STXBP5L: variants seen among roughly 807,000 people sequenced by gnomAD.
The protein encoded by STXBP5L is syntaxin binding protein 5L, also known as syntaxin-binding protein 5-like.
Under a neutral mutation model 144.5 loss-of-function variants are expected in STXBP5L, and 65 were observed. The observed-to-expected ratio is 0.45, with a 90% CI of 0.37 to 0.55. STXBP5L has a LOEUF of 0.55. STXBP5L is among the 20% of genes least tolerant of loss of function. The pLI, the probability that STXBP5L is intolerant of heterozygous loss-of-function variation, is 0.00. For missense variants in STXBP5L, 1,298 were observed against 1,405.5 expected, an observed-to-expected ratio of 0.92 and a Z score of 1.22; for synonymous variants, 505 against 469.6, an observed-to-expected ratio of 1.08 and a Z score of -0.97.
chr3:120,985,554 C>T (rs1343663599), intron 3 of STXBP5L, among the ~76,000 whole-genome samples: 1 of 151,876 alleles, frequency 6.6e-6, no homozygotes, highest in Non-Finnish European at 1.5e-5. Flanking sequence ...CATTTTTTCA[C>T]CAACATCAGA....
In STXBP5L at chr3:121,250,542, ATTGT is replaced by A. The variant is rs553013456; in HGVS notation, c.1401-178_1401-175del. ...TTTTCTAATCTTTAGATTTTAGTAT[ATTGT>A]TTAAGAAATGAGCCATTGTTTTAAG... On this transcript the variant is annotated intron_variant, in intron 14 of 26. Coordinates refer to ENST00000471454, the MANE Select transcript of STXBP5L (RefSeq NM_001308330.2). Among the ~76,000 whole-genome samples the A allele has an allele frequency of 3.7e-3, 569 of 152,156 alleles. 1 individual carries two copies. Among genetic ancestry groups the A allele is most frequent in the Non-Finnish European group, 6.7e-3 (452 of 67,920 alleles).
intron 9 of STXBP5L, among the ~76,000 whole-genome samples, chr3:121,204,424 A>G (rs1005437306): frequency 1.3e-5 from 2 of 152,166 alleles, no homozygotes; most frequent in African/African-American, 2.4e-5. Flanking sequence ...CATAGGGTAA[A>G]ATAAAGAAAA....
chr3:121,113,990 G>T (rs1428216297), intron 5 of STXBP5L, among the ~76,000 whole-genome samples: 1 of 152,002 alleles, frequency 6.6e-6, no homozygotes, highest in Non-Finnish European at 1.5e-5. Flanking sequence ...CTTATATAAA[G>T]AAGTACAAGA....
In STXBP5L at chr3:120,979,116, T is replaced by C. The variant is rs1310663878; in HGVS notation, c.287+24079T>C. Among the ~76,000 whole-genome samples, 8 of 152,246 alleles carry C rather than the reference T, an allele frequency of 5.3e-5. No homozygotes were observed. In the East Asian group the frequency reaches 1.5e-3, roughly 29 times the overall value. ...CATTTAAGTCTGCAGAGGTTACTGC[T>C]GTCTTTTTGTTTGTCTGTGCCTTGC... On this transcript the variant is annotated intron_variant, in intron 3 of 26. Coordinates refer to ENST00000471454, the MANE Select transcript of STXBP5L (RefSeq NM_001308330.2).
intron 3 of STXBP5L, among the ~76,000 whole-genome samples, chr3:121,006,990 C>T (rs10934538): frequency 0.099 from 15,092 of 152,062 alleles, 1,178 homozygotes; most frequent in Admixed American, 0.2. Context: ...ACATTTTTTC[C>T]TTCATTTCAA....
intron 3 of STXBP5L, among the ~76,000 whole-genome samples, chr3:120,991,501 A>G (rs1394588787): frequency 1.3e-5 from 2 of 152,236 alleles, no homozygotes; most frequent in African/African-American, 2.4e-5. Context: ...AAAGGATTAT[A>G]AATCATGCTA....
chr3:121,223,383 A>G (rs1490055054), intron 11 of STXBP5L, among the ~76,000 whole-genome samples: 4 of 152,144 alleles, frequency 2.6e-5, no homozygotes, highest in African/African-American at 9.7e-5. Flanking sequence ...TAAGTGCTTT[A>G]AACTTTGATT....
At chr3:121,003,669 G>A (rs901235293) in intron 3 of STXBP5L, among the ~76,000 whole-genome samples, 7 of 152,086 alleles carry the variant, frequency 4.6e-5, no homozygotes, top group Non-Finnish European at 8.8e-5. Context: ...TTTCTTCTAG[G>A]GTTTTTATGG....
chr3:121,378,881 C>G lies in STXBP5L; in HGVS notation c.2342C>G (p.Thr781Arg), dbSNP rs1405942574. The G allele has an allele frequency of 6.2e-7, 1 of 1,612,590 alleles. No individual in the cohort carries two copies. ...ACMEISLPVT[T>R]EENRENSYNR... ...ATGGAGATTTCTTTACCAGTTACAA[C>G]AGAAGGTATGTTAAACATATTAAAT... Residue 781 changes from threonine to arginine, a missense_variant, in exon 21 of 27, where the codon ACA (threonine) becomes AGA (arginine). Thr to Arg is a moderately conservative substitution (Grantham distance 71, BLOSUM62 -1). Transcript: ENST00000471454.
intron 23 of STXBP5L, among the ~76,000 whole-genome samples, chr3:121,411,339 G>T (rs539360598): frequency 1.4e-4 from 21 of 152,118 alleles, no homozygotes; most frequent in Non-Finnish European, 2.6e-4. Flanking sequence ...TTTGATAAAG[G>T]AAATCAGTAT....
At chr3:121,008,872 A>G (rs891579629) in intron 3 of STXBP5L, among the ~76,000 whole-genome samples, 1 of 152,086 alleles carries the variant, frequency 6.6e-6, no homozygotes, top group Non-Finnish European at 1.5e-5. Context: ...AGCAATTGTA[A>G]TAAATAAAAT....
At chr3:121,358,845 T>C (rs537647164) in intron 20 of STXBP5L, among the ~76,000 whole-genome samples, 9 of 152,370 alleles carry the variant, frequency 5.9e-5, no homozygotes, top group African/African-American at 1.9e-4. Context: ...GATTGAATAG[T>C]ACTCCATTGC....
At chr3:121,196,103 A>G (rs2047908323) in intron 9 of STXBP5L, among the ~76,000 whole-genome samples, 1 of 150,612 alleles carries the variant, frequency 6.6e-6, no homozygotes. Flanking sequence ...TGGTATTTTC[A>G]TAGGGATTTC....
chr3:121,017,797 G>T (rs1167478116), intron 3 of STXBP5L, among the ~76,000 whole-genome samples: 1 of 152,114 alleles, frequency 6.6e-6, no homozygotes, highest in East Asian at 1.9e-4. Flanking sequence ...TGGGGGGGTG[G>T]TGAAGGTGAT....
intron 20 of STXBP5L, chr3:121,324,386 T>A (rs1162779723): frequency 1.8e-6 from 1 of 555,618 alleles, no homozygotes; most frequent in Middle Eastern, 2.7e-4. Context: ...AAAATGCAGA[T>A]CTTTCCAAAT....
intron 3 of STXBP5L, among the ~76,000 whole-genome samples, chr3:121,002,257 GATA>G (rs1385005631): frequency 6.7e-6 from 1 of 149,862 alleles, no homozygotes; most frequent in African/African-American, 2.4e-5. Context: ...ATCGATGTGA[GATA>G]ATATCTCATT....
chr3:120,967,723 G>A (rs537373998), intron 3 of STXBP5L, among the ~76,000 whole-genome samples: 4 of 152,154 alleles, frequency 2.6e-5, no homozygotes, highest in Non-Finnish European at 4.4e-5. Context: ...TTTTTATGAT[G>A]TAGGCTTTTT....
At chr3:121,210,621 A>T (rs2048524417) in intron 10 of STXBP5L, among the ~76,000 whole-genome samples, 1 of 152,160 alleles carries the variant, frequency 6.6e-6, no homozygotes, top group African/African-American at 2.4e-5. Context: ...GGTGTGAGTA[A>T]GGGATCCAGT....
Position 121,257,578 on chromosome 3 carries a change from A to G in STXBP5L, c.1832+245A>G, listed in dbSNP as rs528800428. 5.9e-5 allele frequency among the ~76,000 whole-genome samples: 9 copies of G among 152,286 alleles called. No individual in the cohort carries two copies. In the South Asian group the frequency reaches 1.5e-3, roughly 25 times the overall value. ...CTAAAGAAAACATGGCTTTCACAGA[A>G]TAGGAAGTTTGGCAGGGCAGAAACT... On this transcript the variant is annotated intron_variant, in intron 17 of 26. Coordinates refer to ENST00000471454, the MANE Select transcript of STXBP5L (RefSeq NM_001308330.2).
Sources: allele counts gnomAD v4.1 joint callset (sites outside exome capture counted in the v4.1 genomes callset), GRCh38; gene constraint gnomAD v4.1.1; transcripts MANE v1.5; gene names NCBI Gene and HGNC (gene_info 2026-07-23, HGNC 2026-07-21).